TLK1: variants seen among roughly 807,000 people sequenced by gnomAD.
The protein encoded by TLK1 is serine/threonine-protein kinase tousled-like 1.
In TLK1, 24 loss-of-function variants were observed where a neutral mutation model predicts 105.3. The ratio of observed to expected loss-of-function variants is 0.23; its 90% CI spans 0.17 to 0.32. TLK1 has a LOEUF of 0.32. Among genes scored for constraint, TLK1 ranks in the 10% least tolerant of loss-of-function variants. The pLI is 1.00. For synonymous variants in TLK1, 321 were observed against 310.4 expected (o/e 1.03, Z -0.36); for missense variants, 558 against 910.5 (o/e 0.61, Z 4.98).
intron 1 of TLK1, among the ~76,000 whole-genome samples, chr2:171,202,458 A>G (rs1693422426): frequency 6.6e-6 from 1 of 151,852 alleles, no homozygotes; most frequent in Non-Finnish European, 1.5e-5. Context: ...AACTCAAAAA[A>G]AAAAAAGAAT....
At chr2:171,164,229 T>A (rs1443812418), upstream of TLK1, among the ~76,000 whole-genome samples, 1 of 152,344 alleles carries the variant, frequency 6.6e-6, no homozygotes, top group Non-Finnish European at 1.5e-5. Context: ...AGGCTTTTAC[T>A]GGCAATGGGG....
At chr2:171,009,435 C>G (rs1684805507) in intron 14 of TLK1, among the ~76,000 whole-genome samples, 1 of 151,340 alleles carries the variant, frequency 6.6e-6, no homozygotes, top group Non-Finnish European at 1.5e-5. Flanking sequence ...CTCCGAGTAG[C>G]TGGAACTACA....
intron 11 of TLK1, among the ~76,000 whole-genome samples, chr2:171,038,021 C>G (rs1686457642): frequency 6.6e-6 from 1 of 152,146 alleles, no homozygotes; most frequent in South Asian, 2.1e-4. Context: ...ATTACAGATT[C>G]ACTTTATTTA....
chr2:171,059,340 G>C (rs969230407), intron 4 of TLK1, among the ~76,000 whole-genome samples: 1 of 152,114 alleles, frequency 6.6e-6, no homozygotes, highest in African/African-American at 2.4e-5. Flanking sequence ...ATTTTGTTCT[G>C]TTAACACCCT....
chr2:171,050,453 T>C (rs1018410222), intron 8 of TLK1, among the ~76,000 whole-genome samples: 1 of 152,200 alleles, frequency 6.6e-6, no homozygotes, highest in Non-Finnish European at 1.5e-5. Context: ...ATAAGAACTT[T>C]AGTTCAGCTT....
intron 18 of TLK1, among the ~76,000 whole-genome samples, chr2:171,000,212 C>T (rs901451828): frequency 4.0e-5 from 6 of 151,886 alleles, no homozygotes; most frequent in Non-Finnish European, 1.5e-5. Context: ...CCTGTCTCTA[C>T]TAAAAATACA....
At chr2:171,036,611 C>A (rs1296917559) in intron 11 of TLK1, among the ~76,000 whole-genome samples, 1 of 152,166 alleles carries the variant, frequency 6.6e-6, no homozygotes, top group East Asian at 1.9e-4. Context: ...TTGTTTTGAA[C>A]AGAAATGTCT....
chr2:171,005,127 C>T (rs757077835), intron 18 of TLK1, among the ~76,000 whole-genome samples: 41 of 152,188 alleles, frequency 2.7e-4, no homozygotes, highest in Non-Finnish European at 5.0e-4. Context: ...TGAAGTTGAA[C>T]GCAGTTATCT....
chr2:171,196,626 A>G (rs1693280958), intron 1 of TLK1, among the ~76,000 whole-genome samples: 1 of 152,218 alleles, frequency 6.6e-6, no homozygotes, highest in South Asian at 2.1e-4. Context: ...GAGGTTACAG[A>G]GAAGTCAGTG....
At position 171,053,765 on chromosome 2, in the gene TLK1, A is replaced by G; in HGVS notation, c.728T>C (p.Leu243Pro). Residue 243 changes from leucine (L) to proline (P), a missense_variant, in exon 8 of 21, where the codon CTC becomes CCC. Leu to Pro is a moderately conservative substitution (Grantham distance 98). Coordinates refer to ENST00000431350, the MANE Select transcript of TLK1 (RefSeq NM_012290.5). Reference sequence around the variant, plus strand: ...CCTCTATGACTCATTACTTACCCTGAGCAAATCATCTATACGTCCCTCCTT... The same window carrying G: ...CCTCTATGACTCATTACTTACCCTGGGCAAATCATCTATACGTCCCTCCTT... ...EKKEGRIDDLLRANCDLRRQI... is the reference protein window; with the variant it reads ...EKKEGRIDDLPRANCDLRRQI... 1 of 1,602,926 alleles carries G rather than the reference A, an allele frequency of 6.2e-7. No homozygotes were observed. The highest frequency in any genetic ancestry group is 8.5e-7 in the Non-Finnish European group (1 of 1,175,136).
Position 171,148,911 on chromosome 2 carries a change from ATGTGTGTG to A in TLK1, c.139+11371_139+11378del, listed in dbSNP as rs58338054. ...AAAAAATATATATATATATATATAT[ATGTGTGTG>A]TGTGTGTGCGTGTGCGTGTGTGTGT... On this transcript the variant is annotated intron_variant, in intron 1 of 20. Coordinates refer to ENST00000431350, the MANE Select transcript of TLK1 (RefSeq NM_012290.5). Among the ~76,000 whole-genome samples, 8 of 134,240 alleles carry A rather than the reference ATGTGTGTG, an allele frequency of 6.0e-5. No individual in the cohort carries two copies. The East Asian group carries it at 1.9e-3, about 32-fold the overall frequency. 88.1% of individuals were successfully genotyped at this position (134,240 alleles called of 152,430 possible).
chr2:171,132,558 T>C (rs959030062), intron 1 of TLK1, among the ~76,000 whole-genome samples: 9 of 152,226 alleles, frequency 5.9e-5, no homozygotes, highest in Non-Finnish European at 8.8e-5. Context: ...TTAGTAAAAG[T>C]TTTTTAAGTT....
chr2:171,037,269 C>T (rs1686399382), intron 11 of TLK1, among the ~76,000 whole-genome samples: 1 of 151,786 alleles, frequency 6.6e-6, no homozygotes, highest in Non-Finnish European at 1.5e-5. Context: ...TGGAGAAACC[C>T]CATCTCTACT....
intron 12 of TLK1, chr2:171,023,021 A>AT: frequency 2.1e-6 from 1 of 470,486 alleles, no homozygotes; most frequent in South Asian, 1.6e-5. Flanking sequence ...ATCATGGAAG[A>AT]TTAATACTGA....
Position 171,046,404 on chromosome 2 carries a change from T to A in TLK1, c.981-42A>T, listed in dbSNP as rs540777315. On this transcript the variant is annotated intron_variant, in intron 10 of 20. Coordinates refer to ENST00000431350, the MANE Select transcript of TLK1 (RefSeq NM_012290.5). ...AAATAAAACCATATTAACCTTCCAT[T>A]ACTTTTCAAGGCTAAACTTGGAAAA... 1.0e-4 allele frequency: 151 copies of A among 1,505,050 alleles called. No individual in the cohort carries two copies. In the Admixed American group the frequency reaches 1.0e-3, roughly 10 times the overall value. The allele number at this position is 1,505,050 out of a possible 1,614,324, so 93.2% of individuals were successfully genotyped here.
At chr2:171,062,082 AT>A (rs1188077859) in intron 3 of TLK1, among the ~76,000 whole-genome samples, 1 of 152,232 alleles carries the variant, frequency 6.6e-6, no homozygotes, top group African/African-American at 2.4e-5. Flanking sequence ...GATAGAAAGT[AT>A]CTTCATTAGA....
rs1683768941 is a variant in TLK1, at chr2:170,991,240, A to G, written c.*2540T>C. The G allele has an allele frequency of 6.6e-6, 1 of 152,202 alleles. No homozygotes were observed. Among genetic ancestry groups the G allele is most frequent in the South Asian group, 2.1e-4 (1 of 4,832 alleles). 9.4% of individuals were successfully genotyped at this position (152,202 alleles called of 1,614,324 possible). On this transcript the variant is annotated 3_prime_UTR_variant, in exon 21 of 21. Coordinates refer to ENST00000431350, the MANE Select transcript of TLK1 (RefSeq NM_012290.5). ...TTGGCTATCATCTTAGGGATGCAGG[A>G]CATGCTTTAATTCTGAGGACAGACA...
chr2:171,169,407 A>T (rs977465241), intron 1 of TLK1, among the ~76,000 whole-genome samples: 1 of 152,186 alleles, frequency 6.6e-6, no homozygotes, highest in African/African-American at 2.4e-5. Flanking sequence ...TATATATACA[A>T]TATAGTCTCA....
chr2:171,087,562 C>G (rs886477328), intron 2 of TLK1, among the ~76,000 whole-genome samples: 1 of 152,044 alleles, frequency 6.6e-6, no homozygotes, highest in Non-Finnish European at 1.5e-5. Context: ...GAAAAAATGA[C>G]AGCCAGAAAA....
Sources: allele counts gnomAD v4.1 joint callset (sites outside exome capture counted in the v4.1 genomes callset), GRCh38; gene constraint gnomAD v4.1.1; transcripts MANE v1.5; gene names NCBI Gene and HGNC (gene_info 2026-07-23, HGNC 2026-07-21).